The following ANK2 variants were observed in gnomAD, a reference collection of about 807,000 sequenced individuals.
The protein encoded by ANK2 is ankyrin 2.
Under a neutral mutation model 360.5 loss-of-function variants are expected in ANK2, and 83 were observed. The ratio of observed to expected loss-of-function variants is 0.23; its 90% CI spans 0.19 to 0.28. The LOEUF (loss-of-function observed/expected upper bound fraction) is 0.28. ANK2 is among the 10% of genes least tolerant of loss of function. The pLI is 1.00. For synonymous variants in ANK2, 1,740 were observed against 1,759.5 expected, an observed-to-expected ratio of 0.99 and a Z score of 0.28; for missense variants, 4,201 against 4,795.7, an observed-to-expected ratio of 0.88 and a Z score of 3.66.
intron 15 of ANK2, among the ~76,000 whole-genome samples, chr4:113,276,548 G>A (rs967649217): frequency 6.6e-6 from 1 of 152,106 alleles, no homozygotes; most frequent in Non-Finnish European, 1.5e-5. Flanking sequence ...GTTTCATCCT[G>A]AGTATCACCC....
chr4:113,161,451 T>C (rs942712336), intron 1 of ANK2, among the ~76,000 whole-genome samples: 6 of 152,202 alleles, frequency 3.9e-5, no homozygotes, highest in Non-Finnish European at 7.3e-5. Context: ...TACATTTTAG[T>C]GTAAAATTAT....
chr4:113,061,454 C>T (rs2073322495), intron 1 of ANK2, among the ~76,000 whole-genome samples: 2 of 152,046 alleles, frequency 1.3e-5, no homozygotes, highest in African/African-American at 4.8e-5. Flanking sequence ...AGAATATTAG[C>T]TAAAGGAAGT....
At chr4:112,941,388 G>C (rs1025517872) in intron 2 of ANK2, among the ~76,000 whole-genome samples, 8 of 144,416 alleles carry the variant, frequency 5.5e-5, no homozygotes, top group Non-Finnish European at 1.1e-4. Context: ...ATATTAAAAA[G>C]AGTATGAACT....
chr4:113,330,103 T>A (rs2091963741), intron 26 of ANK2, 143 bp from the exon 27 acceptor site: 8 of 780,330 alleles, frequency 1.0e-5, no homozygotes, highest in Non-Finnish European at 8.1e-6. Context: ...AAAATAACTT[T>A]TAAAAACAAG....
Position 113,302,792 on chromosome 4 carries a change from A to G in ANK2, c.2501A>G (p.Asn834Ser), listed in dbSNP as rs1253089112. 2 of 1,613,904 alleles carry G rather than the reference A, an allele frequency of 1.2e-6. No individual in the cohort carries two copies. Among genetic ancestry groups the G allele is most frequent in the Non-Finnish European group, 1.7e-6 (2 of 1,179,918 alleles). The change falls in exon 23 of 46, where the codon AAT (asparagine) becomes AGT (serine). Residue 834 changes from asparagine (N) to serine (S), a missense_variant. Physicochemically the swap from Asn to Ser is conservative, Grantham distance 46 (BLOSUM62 1). Transcript: ENST00000357077. ...ACTATTACAGAAAAACACAAACTAA[A>G]TGTACCTGAGACGATGACTGAGGTT... ...TTTITEKHKL[N>S]VPETMTEVLD...
intron 1 of ANK2, among the ~76,000 whole-genome samples, chr4:113,084,777 G>A (rs541471309): frequency 1.1e-4 from 17 of 152,266 alleles, no homozygotes; most frequent in African/African-American, 3.9e-4. Context: ...TATGACATAT[G>A]AACATTCTAT....
intron 2 of ANK2, among the ~76,000 whole-genome samples, chr4:112,939,673 A>G (rs1276671338): frequency 6.6e-6 from 1 of 152,180 alleles, no homozygotes; most frequent in Non-Finnish European, 1.5e-5. Context: ...AAAATGACTC[A>G]TAATTCAAGA....
In ANK2 at chr4:113,107,181, T is replaced by C. The variant is rs116546415; in HGVS notation, c.84+57369T>C. On this transcript the variant is annotated intron_variant, in intron 1 of 45. Transcript: ENST00000357077. ...TTTCTCAAGCACACATGCTCACTGA[T>C]TTTAAGACTCATTCCACAGTGTTCC... Among the ~76,000 whole-genome samples the C allele has an allele frequency of 5.2e-3, 787 of 152,264 alleles. 3 individuals carry two copies. The highest frequency in any genetic ancestry group is 0.018 in the African/African-American group (756 of 41,562).
At chr4:113,206,181 T>A (rs187695558) in intron 4 of ANK2, among the ~76,000 whole-genome samples, 255 of 152,306 alleles carry the variant, frequency 1.7e-3, no homozygotes, top group African/African-American at 6.0e-3. Flanking sequence ...TTGCTGCACC[T>A]ATTAACCCAT....
At chr4:113,187,510 C>T (rs1446037562) in intron 2 of ANK2, among the ~76,000 whole-genome samples, 1 of 152,130 alleles carries the variant, frequency 6.6e-6, no homozygotes, top group Non-Finnish European at 1.5e-5. Context: ...CCAATTGTGT[C>T]CCCAGCTAGC....
chr4:112,914,178 A>G (rs2088838949), intron 2 of ANK2, among the ~76,000 whole-genome samples: 1 of 152,216 alleles, frequency 6.6e-6, no homozygotes, highest in South Asian at 2.1e-4. Flanking sequence ...TTAATCATGA[A>G]GTCAAACTGT....
chr4:113,053,474 A>G (rs1208003579), intron 1 of ANK2, among the ~76,000 whole-genome samples: 1 of 152,174 alleles, frequency 6.6e-6, no homozygotes, highest in African/African-American at 2.4e-5. Context: ...GCGAAGAGGA[A>G]ATGGGGGCTA....
intron 8 of ANK2, 107 bp from the exon 9 acceptor site, chr4:113,242,004 C>G (rs184499510): frequency 2.7e-5 from 23 of 857,424 alleles, no homozygotes; most frequent in Admixed American, 2.7e-4. Flanking sequence ...AACTGTGGAT[C>G]AAATTACCAC....
intron 45 of ANK2, among the ~76,000 whole-genome samples, chr4:113,377,142 T>C (rs6826485): frequency 0.071 from 10,871 of 152,254 alleles, 1,254 homozygotes; most frequent in African/African-American, 0.24. Context: ...TTACTATACA[T>C]AGTAAATGTA....
intron 26 of ANK2, 93 bp downstream of exon 26, chr4:113,318,713 A>G (rs764798959): frequency 2.1e-5 from 22 of 1,061,678 alleles, no homozygotes; most frequent in Non-Finnish European, 2.8e-5. Context: ...GCTGGTGGCT[A>G]GCTTTACAGT....
At chr4:112,935,061 C>T (rs1230565159) in intron 2 of ANK2, among the ~76,000 whole-genome samples, 1 of 151,866 alleles carries the variant, frequency 6.6e-6, no homozygotes, top group African/African-American at 2.4e-5. Context: ...AGCACCAAAG[C>T]ATTCACTGTG....
At chr4:112,848,262 C>T (rs1015714221) in intron 1 of ANK2, among the ~76,000 whole-genome samples, 1 of 152,140 alleles carries the variant, frequency 6.6e-6, no homozygotes, top group Non-Finnish European at 1.5e-5. Flanking sequence ...TGGGTTCAAG[C>T]GATTCTCCTG....
Position 113,159,778 on chromosome 4 carries a change from T to TATATA in ANK2, c.85-14638_85-14637insATATA, listed in dbSNP as rs575296053. Among the ~76,000 whole-genome samples, 25 of 150,708 alleles carry TATATA rather than the reference T, an allele frequency of 1.7e-4. 1 individual carries two copies. The South Asian group carries it at 4.8e-3, about 29-fold the overall frequency. On this transcript the variant is annotated intron_variant, in intron 1 of 45. Transcript: ENST00000357077. ...ACCCACCACCACGCCCGGCTAATTT[T>TATATA]TATATATATATATGTATTTTTGTAG...
chr4:112,915,943 A>G (rs2151090945), intron 2 of ANK2, among the ~76,000 whole-genome samples: 1 of 152,228 alleles, frequency 6.6e-6, no homozygotes, highest in South Asian at 2.1e-4. Flanking sequence ...AGAATTTTAT[A>G]TACGGAACAT....
Sources: allele counts gnomAD v4.1 joint callset (sites outside exome capture counted in the v4.1 genomes callset), GRCh38; gene constraint gnomAD v4.1.1; transcripts MANE v1.5; gene names NCBI Gene and HGNC (gene_info 2026-07-23, HGNC 2026-07-21).